Variants in NR5A1 observed in about 807,000 individuals in gnomAD.
NR5A1 encodes the protein nuclear receptor subfamily 5 group A member 1, also known as steroidogenic factor 1.
Under a neutral mutation model 42.7 loss-of-function variants are expected in NR5A1, and 6 were observed. That is an observed-to-expected ratio of 0.14 (90% CI 0.08 to 0.28). The LOEUF (loss-of-function observed/expected upper bound fraction) is 0.28. Among genes scored for constraint, NR5A1 ranks in the 10% least tolerant of loss-of-function variants. The pLI, the probability that NR5A1 is intolerant of heterozygous loss-of-function variation, is 1.00. For synonymous variants in NR5A1, 274 were observed against 277.5 expected (o/e 0.99, Z 0.12); for missense variants, 442 against 626.4 (o/e 0.71, Z 3.14).
chr9:124,495,659 C>A lies in NR5A1; in HGVS notation c.871-2510G>T, dbSNP rs139954193. Among the ~76,000 whole-genome samples, 7 of 152,294 alleles carry A rather than the reference C, an allele frequency of 4.6e-5. No individual in the cohort carries two copies. In the East Asian group the frequency reaches 1.4e-3, roughly 29 times the overall value. ...AGGCCCACAGGAGCAGACACGCTTG[C>A]GCCCAGAACGAAGACACAAGGGGGT... On this transcript the variant is annotated intron_variant, in intron 4 of 6. Coordinates refer to ENST00000373588, the MANE Select transcript of NR5A1 (RefSeq NM_004959.5).
intron 1 of NR5A1, among the ~76,000 whole-genome samples, chr9:124,506,182 G>A (rs890214031): frequency 4.6e-5 from 7 of 152,248 alleles, no homozygotes; most frequent in African/African-American, 1.7e-4. Flanking sequence ...CACAGAAGGA[G>A]CAGAACCCGC....
chr9:124,482,948 G>T lies in NR5A1; in HGVS notation c.1196C>A (p.Ala399Asp). The change falls in exon 7 of 7, where the codon GCC (alanine) becomes GAC (aspartate). Residue 399 changes from alanine to aspartate, a missense_variant. Ala to Asp is a moderately radical substitution (Grantham distance 126). Around this residue, in one of 3 missense-constraint regions of NR5A1, gnomAD observed 163 missense variants for 265.8 expected, o/e 0.61. Coordinates refer to ENST00000373588, the MANE Select transcript of NR5A1 (RefSeq NM_004959.5). The stretch of plus-strand genomic sequence containing the variant: ...GCACAGGGTGTAGTCAAGCAGGGCG[G>T]CGTTGGCCTTCTCCTGAGCGTCTTT... ...LVKDAQEKANAALLDYTLCHY... is the reference protein window; with the variant it reads ...LVKDAQEKANDALLDYTLCHY... 1 of 1,614,154 alleles carries T rather than the reference G, an allele frequency of 6.2e-7. No individual in the cohort carries two copies. The highest frequency in any genetic ancestry group is 8.5e-7 in the Non-Finnish European group (1 of 1,180,030).
intron 6 of NR5A1, among the ~76,000 whole-genome samples, chr9:124,486,566 C>T (rs1832212981): frequency 6.6e-6 from 1 of 152,046 alleles, no homozygotes; most frequent in Non-Finnish European, 1.5e-5. Context: ...TGTCCCATGC[C>T]ATCCATGAGT....
At position 124,500,167 on chromosome 9, in the gene NR5A1, G is replaced by A. The variant is rs755558587; in HGVS notation, c.793C>T (p.Leu265=). The A allele has an allele frequency of 1.2e-5, 19 of 1,612,346 alleles. No individual in the cohort carries two copies. The East Asian group carries it at 3.6e-4, about 30-fold the overall frequency. ...AAGGTCTGGTCGGCCATTCTGCACA[G>A]GAGGCCGAAGGCCGCCGGCTGGTCG... ...RPDQPAAFGL[L]CRMADQTFIS... Residue 265 remains leucine, a synonymous_variant, in exon 4 of 7, where the codon CTG becomes TTG. Coordinates refer to ENST00000373588, the MANE Select transcript of NR5A1 (RefSeq NM_004959.5). The surrounding 1 kb of genome is among the most constrained non-coding windows in gnomAD (Gnocchi z 6.9).
rs1832461215 is a variant in NR5A1 at position 124,500,839 on chromosome 9, C to T, written c.245-124G>A. On this transcript the variant is annotated intron_variant, in intron 3 of 6. Transcript: ENST00000373588. The surrounding 1 kb of genome is among the most constrained non-coding windows in gnomAD (Gnocchi z 6.9). ...CCTGCTCAACACCCTTTCATGGCTC[C>T]CACTGACCACAGGGGAAGTCAGTCT... The T allele has an allele frequency of 2.1e-6, 3 of 1,456,534 alleles. No homozygotes were observed. The highest frequency in any genetic ancestry group is 3.6e-5 in the Admixed American group (2 of 55,532). 90.2% of individuals were successfully genotyped at this position (1,456,534 alleles called of 1,614,324 possible). A position where few individuals can be genotyped will look rare whatever the true frequency, so the allele number is the denominator to read the frequency against.
intron 1 of NR5A1, among the ~76,000 whole-genome samples, chr9:124,504,350 C>A (rs1011579286): frequency 6.6e-6 from 1 of 152,136 alleles, no homozygotes; most frequent in African/African-American, 2.4e-5. Flanking sequence ...CCCGCAGGGT[C>A]GGACCCAGAC....
At chr9:124,483,756 GT>G (rs1832166195) in intron 6 of NR5A1, among the ~76,000 whole-genome samples, 1 of 152,214 alleles carries the variant, frequency 6.6e-6, no homozygotes, top group Admixed American at 6.5e-5. Flanking sequence ...GAGGCGCACT[GT>G]GGGTGGGAGT....
rs148009058 is a variant in NR5A1 at position 124,484,551 on chromosome 9, G to A, written c.1139-1546C>T. Reference sequence around the variant, plus strand: ...GGGTCACTTGAGGTCAGGAGTTCGAGACCAGCCTGGCCAACATGGTGAAAC... The same window carrying A: ...GGGTCACTTGAGGTCAGGAGTTCGAAACCAGCCTGGCCAACATGGTGAAAC... On this transcript the variant is annotated intron_variant, in intron 6 of 6. Coordinates refer to ENST00000373588, the MANE Select transcript of NR5A1 (RefSeq NM_004959.5). Among the ~76,000 whole-genome samples, 683 of 152,198 alleles carry A rather than the reference G, an allele frequency of 4.5e-3. 3 individuals carry two copies. The highest frequency in any genetic ancestry group is 0.015 in the African/African-American group (626 of 41,514).
intron 5 of NR5A1, among the ~76,000 whole-genome samples, chr9:124,492,293 C>G (rs557752662): frequency 6.6e-6 from 1 of 151,460 alleles, no homozygotes; most frequent in Admixed American, 6.6e-5. Context: ...AGTCTTCCTC[C>G]GTGGCTGTGC....
intron 1 of NR5A1, 155 bp downstream of exon 1, chr9:124,507,094 T>A (rs1317571779): frequency 6.6e-6 from 1 of 152,328 alleles, no homozygotes; most frequent in East Asian, 1.9e-4. Context: ...GGTAGCATGG[T>A]GGGAGGGTGA....
At chr9:124,489,757 C>G (rs1035319160) in intron 6 of NR5A1, among the ~76,000 whole-genome samples, 2 of 135,322 alleles carry the variant, frequency 1.5e-5, no homozygotes, top group African/African-American at 5.4e-5. Flanking sequence ...CCGCCCCCCA[C>G]CCCAATGGCT....
chr9:124,491,261 C>T, intron 5 of NR5A1, 33 bp from the exon 6 acceptor site: 1 of 1,561,450 alleles, frequency 6.4e-7, no homozygotes, highest in Non-Finnish European at 8.7e-7. Flanking sequence ...GGGGGACAGT[C>T]AGAGGACGTG....
chr9:124,491,036 C>CCCCCCACGGGGG, intron 6 of NR5A1, 45 bp downstream of exon 6: 1 of 1,401,602 alleles, frequency 7.1e-7, no homozygotes, highest in Non-Finnish European at 9.6e-7. Context: ...CCCACCCACC[C>CCCCCCACGGGGG]GCCTCTGGCT....
At chr9:124,494,277 C>G (rs895374516) in intron 4 of NR5A1, among the ~76,000 whole-genome samples, 1 of 152,224 alleles carries the variant, frequency 6.6e-6, no homozygotes, top group Non-Finnish European at 1.5e-5. Flanking sequence ...TCGCCACCCA[C>G]ATGATAGAGA....
intron 6 of NR5A1, 45 bp downstream of exon 6, chr9:124,491,036 C>CCCCCCCGGGGGGGT: frequency 1.4e-6 from 2 of 1,401,600 alleles, no homozygotes; most frequent in African/African-American, 1.4e-5. Flanking sequence ...CCCACCCACC[C>CCCCCCCGGGGGGGT]GCCTCTGGCT....
In NR5A1 at chr9:124,496,228, A is replaced by G. The variant is rs987780963; in HGVS notation, c.871-3079T>C. Among the ~76,000 whole-genome samples, 6 of 152,152 alleles carry G rather than the reference A, an allele frequency of 3.9e-5. No individual in the cohort carries two copies. Among genetic ancestry groups the G allele is most frequent in the Non-Finnish European group, 8.8e-5 (6 of 68,014 alleles). On this transcript the variant is annotated intron_variant, in intron 4 of 6. Transcript: ENST00000373588. The surrounding 1 kb of genome is among the most constrained non-coding windows in gnomAD (Gnocchi z 5.0). ...CACACAACCTCTTTTTATTTAAAAG[A>G]AAACCACAGGGCCATAGCTGCCAGC... is the stretch of plus-strand genomic sequence containing the variant.
Position 124,503,143 on chromosome 9 carries a change from C to T in NR5A1, c.180G>A (p.Thr60=). 2 of 1,598,110 alleles carry T rather than the reference C, an allele frequency of 1.3e-6. No homozygotes were observed. Among genetic ancestry groups the T allele is most frequent in the Non-Finnish European group, 8.5e-7 (1 of 1,173,644 alleles). ...GGCAGAAGGGACAGCGCTTGCGCTG[C>T]GTCTTGTCGATCTTGCAGCTCTGGC... ...TESQSCKIDK[T]QRKRCPFCRF... Residue 60 remains threonine, a synonymous_variant, in exon 3 of 7, where the codon ACG becomes ACA. Transcript: ENST00000373588. The surrounding 1 kb of genome is among the most constrained non-coding windows in gnomAD (Gnocchi z 9.6).
intron 6 of NR5A1, 53 bp downstream of exon 6, chr9:124,491,028 C>CCCCCCCCCCCCCCCCGGGGGGG: frequency 9.7e-7 from 1 of 1,031,966 alleles, no homozygotes; most frequent in Non-Finnish European, 1.4e-6. Flanking sequence ...CCCACCCTCC[C>CCCCCCCCCCCCCCCCGGGGGGG]ACCCACCCGC....
intron 4 of NR5A1, among the ~76,000 whole-genome samples, chr9:124,494,425 C>T (rs1181618530): frequency 3.9e-5 from 6 of 152,216 alleles, no homozygotes; most frequent in African/African-American, 1.4e-4. Context: ...CTCCTTGCCT[C>T]CTCTACAGAT....
Sources: allele counts gnomAD v4.1 joint callset (sites outside exome capture counted in the v4.1 genomes callset), GRCh38; gene constraint gnomAD v4.1.1; regional missense constraint gnomAD v4.1.1; non-coding constraint Gnocchi (gnomAD v3.1); transcripts MANE v1.5; gene names NCBI Gene and HGNC (gene_info 2026-07-23, HGNC 2026-07-21).